Variants in TMPRSS9 observed in about 807,000 individuals in gnomAD.
TMPRSS9 encodes transmembrane protease serine 9.
Under a neutral mutation model 111.4 loss-of-function variants are expected in TMPRSS9, and 113 were observed. The ratio of observed to expected loss-of-function variants is 1.01; its 90% CI spans 0.87 to 1.19. The LOEUF is 1.19. TMPRSS9 is among the 50% of genes most tolerant of loss of function. The probability of loss-of-function intolerance (pLI) is 0.00; values close to 1 mark genes in which losing one functional copy is unlikely to be tolerated. For missense variants in TMPRSS9, 1,803 were observed against 1,513.1 expected (o/e 1.19, Z -3.18); for synonymous variants, 805 against 659.1 (o/e 1.22, Z -3.39).
chr19:2,424,306 C>T (rs758579232), intron 15 of TMPRSS9, 49 bp downstream of exon 16: 75 of 1,299,922 alleles, frequency 5.8e-5, no homozygotes, highest in Non-Finnish European at 7.2e-5. Flanking sequence ...GTAGCTCACC[C>T]GGAACCGAAC....
At chr19:2,413,340 G>A (rs1971138846) in intron 9 of TMPRSS9, among the ~76,000 whole-genome samples, 1 of 152,166 alleles carries the variant, frequency 6.6e-6, no homozygotes, top group South Asian at 2.1e-4. Flanking sequence ...TGAGATATAT[G>A]GAGGCACCCG....
At chr19:2,363,746 GC>G (rs1360040557) in intron 1 of TMPRSS9, among the ~76,000 whole-genome samples, 1 of 150,494 alleles carries the variant, frequency 6.6e-6, no homozygotes, top group African/African-American at 2.5e-5. Context: ...AAGCTGCCCA[GC>G]AATGTGGAGG....
chr19:2,377,302 T>C (rs1043902529), intron 1 of TMPRSS9, among the ~76,000 whole-genome samples: 5 of 118,806 alleles, frequency 4.2e-5, no homozygotes, highest in African/African-American at 2.6e-4. Flanking sequence ...TATATGTATG[T>C]ATGTATGTAT....
intron 1 of TMPRSS9, among the ~76,000 whole-genome samples, chr19:2,382,732 C>T (rs148194010): frequency 4.5e-4 from 69 of 151,892 alleles, no homozygotes; most frequent in Middle Eastern, 3.4e-3. Context: ...CAGATACATA[C>T]GCACAAACGC....
chr19:2,415,546 G>A lies in TMPRSS9; in HGVS notation c.1574-124G>A, dbSNP rs925666403. 12 of 915,850 alleles carry A rather than the reference G, an allele frequency of 1.3e-5. No homozygotes were observed. In the African/African-American group the frequency reaches 2.1e-4, roughly 16 times the overall value. The allele number at this position is 915,850 out of a possible 1,614,324, so 56.7% of individuals were successfully genotyped here. On this transcript the variant is annotated intron_variant, in intron 10 of 17. Coordinates refer to ENST00000648592, the Ensembl canonical transcript of TMPRSS9. ...TTGAAGCCTCCACGGCTTCTTGTGT[G>A]GAACGGGAGGGATTGCGGCATCTTC...
rs1971613452 is a variant in TMPRSS9, at chr19:2,425,907, C to T, written c.3121-20C>T. ...GGGGAGGTACCGGCCTCTGAACCCC[C>T]TTTCTTCTCTCCCCAACAGGGTGAC... is the stretch of plus-strand genomic sequence containing the variant. On this transcript the variant is annotated intron_variant, in intron 17 of 17. Coordinates refer to ENST00000648592, the Ensembl canonical transcript of TMPRSS9. 6.4e-7 allele frequency: 1 copy of T among 1,574,198 alleles called. No individual in the cohort carries two copies. Among genetic ancestry groups the T allele is most frequent in the African/African-American group, 1.4e-5 (1 of 72,350 alleles).
At chr19:2,413,583 C>A in intron 9 of TMPRSS9, 117 bp from the exon 11 acceptor site, 1 of 1,152,146 alleles carries the variant, frequency 8.7e-7, no homozygotes, top group Non-Finnish European at 1.2e-6. Context: ...GCTCTGTGAG[C>A]TTGTGTGGAG....
rs553438729 is a variant in TMPRSS9, at chr19:2,407,783, A to AAC, written c.843-572_843-571insCA. 4.6e-4 allele frequency among the ~76,000 whole-genome samples: 66 copies of AAC among 144,432 alleles called. 1 individual carries two copies. The South Asian group carries it at 0.014, about 31-fold the overall frequency. 94.8% of individuals were successfully genotyped at this position (144,432 alleles called of 152,430 possible). A position where few individuals can be genotyped will look rare whatever the true frequency, so the allele number is the denominator to read the frequency against. On this transcript the variant is annotated intron_variant, in intron 7 of 17. Coordinates refer to ENST00000648592, the Ensembl canonical transcript of TMPRSS9. ...CAGGTGCACATCGCCACACCCCGCT[A>AAC]ATATATATATATTTTTTCTGAGACA...
intron 10 of TMPRSS9, among the ~76,000 whole-genome samples, chr19:2,414,876 G>GGA (rs373652096): frequency 6.8e-6 from 1 of 146,442 alleles, no homozygotes; most frequent in African/African-American, 2.5e-5. Context: ...ACTCCATCTC[G>GGA]AAAAAGAAAA....
chr19:2,407,689 C>T (rs1318538293), intron 7 of TMPRSS9, among the ~76,000 whole-genome samples: 1 of 144,994 alleles, frequency 6.9e-6, no homozygotes, highest in African/African-American at 2.6e-5. Flanking sequence ...CTCACTATAG[C>T]TCATGACAGC....
intron 15 of TMPRSS9, among the ~76,000 whole-genome samples, chr19:2,424,590 C>T (rs1041867432): frequency 1.3e-5 from 2 of 150,896 alleles, no homozygotes; most frequent in African/African-American, 4.9e-5. Flanking sequence ...CACTTCTTTC[C>T]CCAGCCCTCG....
intron 1 of TMPRSS9, 30 bp downstream of exon 2, chr19:2,389,957 C>T (rs1970550792): frequency 6.3e-7 from 1 of 1,590,558 alleles, no homozygotes; most frequent in African/African-American, 1.3e-5. Context: ...GCTGGGTTCG[C>T]AATACAAGGG....
chr19:2,392,842 C>T (rs1970627232), intron 1 of TMPRSS9, among the ~76,000 whole-genome samples: 1 of 152,064 alleles, frequency 6.6e-6, no homozygotes, highest in African/African-American at 2.4e-5. Flanking sequence ...TTTGTAAATG[C>T]ACCAATGAGC....
chr19:2,425,180 C>G (rs572441149), exon 16 of TMPRSS9: 1 of 1,551,156 alleles, frequency 6.4e-7, no homozygotes, highest in South Asian at 1.2e-5. Flanking sequence ...CCGCCTGGTG[C>G]GTCCCATCTG....
At chr19:2,372,884 T>G (rs1004907186) in intron 1 of TMPRSS9, among the ~76,000 whole-genome samples, 1 of 152,144 alleles carries the variant, frequency 6.6e-6, no homozygotes, top group African/African-American at 2.4e-5. Context: ...CATGCTGGAG[T>G]GCAGTGGCAC....
chr19:2,402,506 G>A (rs1321463016), intron 5 of TMPRSS9, among the ~76,000 whole-genome samples: 2 of 152,090 alleles, frequency 1.3e-5, no homozygotes, highest in Admixed American at 6.6e-5. Flanking sequence ...TTGGGAGGCC[G>A]AGGTGGGTGG....
intron 10 of TMPRSS9, among the ~76,000 whole-genome samples, chr19:2,414,832 G>A (rs1053885599): frequency 1.3e-5 from 2 of 150,256 alleles, no homozygotes; most frequent in African/African-American, 2.5e-5. Flanking sequence ...GTGACATGGT[G>A]CCACTGCACT....
At chr19:2,391,554 G>A (rs1313639668) in intron 1 of TMPRSS9, among the ~76,000 whole-genome samples, 1 of 151,396 alleles carries the variant, frequency 6.6e-6, no homozygotes, top group Non-Finnish European at 1.5e-5. Context: ...ATTTGCATGC[G>A]TTTGTGCATG....
At chr19:2,404,151 T>C (rs1387540963) in intron 6 of TMPRSS9, among the ~76,000 whole-genome samples, 1 of 151,986 alleles carries the variant, frequency 6.6e-6, no homozygotes, top group Non-Finnish European at 1.5e-5. Context: ...GCCTGGATAA[T>C]AGAGTGAGAC....
Sources: allele counts gnomAD v4.1 joint callset (sites outside exome capture counted in the v4.1 genomes callset), GRCh38; gene constraint gnomAD v4.1.1; transcripts MANE v1.5; gene names NCBI Gene and HGNC (gene_info 2026-07-23, HGNC 2026-07-21).